Variants in IQCH observed in about 807,000 individuals in gnomAD.
IQCH encodes IQ motif containing H.
A neutral mutation model predicts 117.0 loss-of-function variants in IQCH; 98 were observed. That is an observed-to-expected ratio of 0.84 (90% CI 0.71 to 0.99). IQCH has a LOEUF of 0.99. IQCH is among the 50% of genes least tolerant of loss of function. IQCH has a pLI of 0.00. For missense variants in IQCH, 1,102 were observed against 1,243.8 expected, an observed-to-expected ratio of 0.89 and a Z score of 1.72; for synonymous variants, 412 against 448.2, an observed-to-expected ratio of 0.92 and a Z score of 1.02.
At chr15:67,362,170 C>G (rs1004490547) in intron 8 of IQCH, among the ~76,000 whole-genome samples, 2 of 147,646 alleles carry the variant, frequency 1.4e-5, no homozygotes, top group Admixed American at 1.4e-4. Context: ...CACACACACA[C>G]ATACACACGT....
intron 4 of IQCH, among the ~76,000 whole-genome samples, chr15:67,331,294 A>AT (rs1346035145): frequency 1.3e-5 from 2 of 152,196 alleles, no homozygotes; most frequent in African/African-American, 4.8e-5. Flanking sequence ...ATTACTTCAC[A>AT]TTATACTACA....
chr15:67,499,863 C>T (rs754417338), intron 20 of IQCH, among the ~76,000 whole-genome samples: 53 of 152,092 alleles, frequency 3.5e-4, no homozygotes, highest in Non-Finnish European at 5.9e-4. Context: ...AAGCCATTCA[C>T]AAAAGGTCAC....
Position 67,405,240 on chromosome 15 carries a change from T to C in IQCH, c.2097+4935T>C, listed in dbSNP as rs1018217178. 6.6e-6 allele frequency: 1 copy of C among 152,210 alleles called. No homozygotes were observed. The highest frequency in any genetic ancestry group is 2.4e-5 in the African/African-American group (1 of 41,466). 9.4% of individuals were successfully genotyped at this position (152,210 alleles called of 1,614,324 possible). A position where few individuals can be genotyped will look rare whatever the true frequency, so the allele number is the denominator to read the frequency against. ...GAAACTACATATAAATGATTATTGT[T>C]CACTTGTTTTTATATTTATTTTTAT... On this transcript the variant is annotated intron_variant, in intron 14 of 20. Transcript: ENST00000335894. This position sits in a 1 kb window ranked among gnomAD's most constrained non-coding sequence, Gnocchi z 4.8.
At chr15:67,263,651 T>A (rs1965548743) in intron 3 of IQCH, among the ~76,000 whole-genome samples, 1 of 149,384 alleles carries the variant, frequency 6.7e-6, no homozygotes, top group Non-Finnish European at 1.5e-5. Flanking sequence ...GTATCTAAAA[T>A]TTAACTTTTA....
intron 5 of IQCH, among the ~76,000 whole-genome samples, chr15:67,341,518 TTTAAA>T (rs1417323056): frequency 1.3e-5 from 2 of 152,090 alleles, no homozygotes; most frequent in African/African-American, 2.4e-5. Context: ...AACAAGAAAC[TTTAAA>T]TTAACCTGTG....
intron 3 of IQCH, among the ~76,000 whole-genome samples, chr15:67,275,123 T>C (rs1251987576): frequency 6.6e-6 from 1 of 152,236 alleles, no homozygotes. Context: ...CCCTACTTTG[T>C]CTCTGGCTGT....
At chr15:67,299,708 G>A (rs1393031774) in intron 4 of IQCH, among the ~76,000 whole-genome samples, 1 of 152,080 alleles carries the variant, frequency 6.6e-6, no homozygotes, top group Non-Finnish European at 1.5e-5. Flanking sequence ...CATTTTACAT[G>A]TTCCTGTCTC....
In IQCH at chr15:67,395,802, A is replaced by C. The variant is rs1218871324; in HGVS notation, c.1905+239A>C. 9.3e-5 allele frequency among the ~76,000 whole-genome samples: 14 copies of C among 151,318 alleles called. No homozygotes were observed. The highest frequency in any genetic ancestry group is 1.0e-4 in the Non-Finnish European group (7 of 67,898). On this transcript the variant is annotated intron_variant, in intron 13 of 20. Transcript: ENST00000335894. The surrounding 1 kb of genome is among the most constrained non-coding windows in gnomAD (Gnocchi z 4.0). ...AGTGGTGTGATCTTGGCTCACTGCAACCTCCACCTCCCAGTTTCTGTGACT... is the reference window on the plus strand; with the variant it reads ...AGTGGTGTGATCTTGGCTCACTGCACCCTCCACCTCCCAGTTTCTGTGACT...
At chr15:67,283,575 C>T (rs1322988668) in intron 4 of IQCH, among the ~76,000 whole-genome samples, 1 of 151,802 alleles carries the variant, frequency 6.6e-6, no homozygotes, top group Non-Finnish European at 1.5e-5. Flanking sequence ...AAAGTGGGAC[C>T]ATGTACGTTC....
At chr15:67,347,383 A>G (rs1290855665) in intron 6 of IQCH, among the ~76,000 whole-genome samples, 2 of 152,124 alleles carry the variant, frequency 1.3e-5, no homozygotes, top group African/African-American at 4.8e-5. Flanking sequence ...AGATGATAAG[A>G]GAACATTATA....
At chr15:67,415,355 C>T (rs2140904194) in intron 14 of IQCH, among the ~76,000 whole-genome samples, 1 of 152,308 alleles carries the variant, frequency 6.6e-6, no homozygotes, top group Admixed American at 6.5e-5. Flanking sequence ...AACAGACCTC[C>T]TCCCACTGTG....
rs2083326386 is a variant in IQCH, at chr15:67,481,041, A to ATTTTATTTAAAAAAAT, written c.2799+5223_2799+5224insTTTTATTTAAAAAAAT. The stretch of plus-strand genomic sequence containing the variant: ...CAAAAATGAGACTTTTAAAAATTGA[A>ATTTTATTTAAAAAAAT]GAGGCATTTATTTACACAACCAAAG... On this transcript the variant is annotated intron_variant, in intron 18 of 20. Transcript: ENST00000335894. This position sits in a 1 kb window ranked among gnomAD's most constrained non-coding sequence, Gnocchi z 4.1. Among the ~76,000 whole-genome samples the ATTTTATTTAAAAAAAT allele has an allele frequency of 6.6e-6, 1 of 152,180 alleles. No homozygotes were observed. The highest frequency in any genetic ancestry group is 2.4e-5 in the African/African-American group (1 of 41,458).
At chr15:67,312,561 G>A (rs981674332) in intron 4 of IQCH, among the ~76,000 whole-genome samples, 1 of 152,106 alleles carries the variant, frequency 6.6e-6, no homozygotes, top group African/African-American at 2.4e-5. Context: ...AAGTGGATAC[G>A]TCTAGACTAC....
At chr15:67,264,575 G>A (rs1045033597) in intron 3 of IQCH, among the ~76,000 whole-genome samples, 2 of 152,118 alleles carry the variant, frequency 1.3e-5, no homozygotes, top group Admixed American at 6.5e-5. Flanking sequence ...GGCAGCTGGT[G>A]ACCCAAAAGA....
At chr15:67,270,288 G>A (rs1006812321) in intron 3 of IQCH, among the ~76,000 whole-genome samples, 1 of 152,156 alleles carries the variant, frequency 6.6e-6, no homozygotes, top group Non-Finnish European at 1.5e-5. Flanking sequence ...GGGCATCCTT[G>A]TCTTATTCCA....
At chr15:67,349,928 A>G (rs900996764) in intron 6 of IQCH, among the ~76,000 whole-genome samples, 6 of 152,246 alleles carry the variant, frequency 3.9e-5, no homozygotes, top group Non-Finnish European at 8.8e-5. Flanking sequence ...GTAGGGATGC[A>G]AAATGGTACA....
chr15:67,261,997 G>A (rs1382165476), intron 2 of IQCH, among the ~76,000 whole-genome samples: 1 of 152,086 alleles, frequency 6.6e-6, no homozygotes, highest in East Asian at 1.9e-4. Flanking sequence ...GCTGAGGTGG[G>A]AGGATTGCTT....
At chr15:67,399,636 GA>G (rs1343535684) in intron 13 of IQCH, among the ~76,000 whole-genome samples, 1 of 152,018 alleles carries the variant, frequency 6.6e-6, no homozygotes, top group African/African-American at 2.4e-5. Flanking sequence ...CATTAATGAG[GA>G]AAAAATTAAA....
intron 1 of IQCH, among the ~76,000 whole-genome samples, chr15:67,260,396 T>C (rs1965408410): frequency 6.6e-6 from 1 of 152,326 alleles, no homozygotes; most frequent in South Asian, 2.1e-4. Context: ...TGTTCCTTTT[T>C]CTTCAGGGAT....
Sources: gnomAD v4.1 joint callset for allele counts (sites outside exome capture counted in the v4.1 genomes callset) on GRCh38, gnomAD v4.1.1 for gene constraint, Gnocchi (gnomAD v3.1) non-coding constraint, MANE v1.5 for transcripts, NCBI Gene and HGNC (gene_info 2026-07-23, HGNC 2026-07-21) for gene names.